The following PGBD2 variants were observed in gnomAD, a reference collection of about 807,000 sequenced individuals.
PGBD2 encodes the protein piggyBac transposable element-derived protein 2.
PGBD2 carries 6 observed loss-of-function variants against 8.1 expected under a neutral mutation model. That is an observed-to-expected ratio of 0.74 (90% confidence interval 0.40 to 1.46). The LOEUF (loss-of-function observed/expected upper bound fraction) is 1.46. Among genes scored for constraint, PGBD2 ranks in the 40% most tolerant of loss-of-function variants. The pLI is 0.02. For synonymous variants in PGBD2, 318 were observed against 272.2 expected (o/e 1.17, Z -1.66); for missense variants, 802 against 739.0 (o/e 1.09, Z -0.99).
upstream of PGBD2, among the ~76,000 whole-genome samples, chr1:248,902,428 A>G (rs1572266938): frequency 6.6e-6 from 1 of 152,226 alleles, no homozygotes; most frequent in Admixed American, 6.5e-5. Context: ...ATTGTGAAAG[A>G]CAGTGTGGTG....
rs1210340122 is a variant in PGBD2, at chr1:248,917,613, T to C, written c.1029T>C (p.Phe343=). 1 of 1,614,214 alleles carries C rather than the reference T, an allele frequency of 6.2e-7. No homozygotes were observed. Among genetic ancestry groups the C allele is most frequent in the Admixed American group, 1.7e-5 (1 of 60,022 alleles). ...TGGATGCGCTTCAGGAGCGTGGTTT[T>C]CTGCCATATCACATATTTTTTGACA... The part of the protein sequence containing the change: ...KFVDALQERG[F]LPYHIFFDKV... The change falls in exon 3 of 3, where the codon TTT becomes TTC. Residue 343 remains phenylalanine, a synonymous_variant. Coordinates refer to ENST00000329291, the MANE Select transcript of PGBD2 (RefSeq NM_170725.3).
At position 248,918,415 on chromosome 1, in the gene PGBD2, C is replaced by G. The variant is rs767156546; in HGVS notation, c.*52C>G. On this transcript the variant is annotated 3_prime_UTR_variant, in exon 3 of 3. Coordinates refer to ENST00000329291, the MANE Select transcript of PGBD2 (RefSeq NM_170725.3). ...ATAATGAGATGTTTACAGTTAAATA[C>G]AGATGGCAGTTGAGCACTTCTGTTT... 7 of 1,491,202 alleles carry G rather than the reference C, an allele frequency of 4.7e-6. No homozygotes were observed. Among genetic ancestry groups the G allele is most frequent in the African/African-American group, 1.4e-5 (1 of 71,120 alleles). The allele number at this position is 1,491,202 out of a possible 1,614,324, so 92.4% of individuals were successfully genotyped here. A position where few individuals can be genotyped will look rare whatever the true frequency, so the allele number is the denominator to read the frequency against.
chr1:248,924,666 G>T (rs1161871688), downstream of PGBD2, among the ~76,000 whole-genome samples: 1 of 152,196 alleles, frequency 6.6e-6, no homozygotes, highest in Non-Finnish European at 1.5e-5. Context: ...TAAAACATTA[G>T]ATAACATGGT....
chr1:248,890,484 T>G, the PGBD2 span, among the ~76,000 whole-genome samples: 12 of 152,138 alleles, frequency 7.9e-5, no homozygotes, highest in Non-Finnish European at 1.5e-5. Flanking sequence ...AAGTTTAGGC[T>G]GCCTGGCTCC....
downstream of PGBD2, among the ~76,000 whole-genome samples, chr1:248,924,168 C>T (rs576874609): frequency 3.9e-4 from 59 of 152,322 alleles, no homozygotes; most frequent in African/African-American, 1.3e-3. Context: ...CCAGCAGCAG[C>T]GTCCATCCAG....
chr1:248,911,045 C>T (rs1054695656), intron 1 of PGBD2, among the ~76,000 whole-genome samples: 2 of 152,104 alleles, frequency 1.3e-5, no homozygotes, highest in Non-Finnish European at 2.9e-5. Flanking sequence ...TTTGCCCCCC[C>T]ATCTCGAGCA....
chr1:248,903,650 G>A (rs186756919), upstream of PGBD2, among the ~76,000 whole-genome samples: 137 of 152,288 alleles, frequency 9.0e-4, no homozygotes, highest in Non-Finnish European at 1.1e-3. Flanking sequence ...TTAATCATGG[G>A]CGCTTGGGAG....
chr1:248,874,000 C>T, the PGBD2 span, among the ~76,000 whole-genome samples: 11 of 152,148 alleles, frequency 7.2e-5, no homozygotes, highest in African/African-American at 2.4e-4. Flanking sequence ...GAAGAAACCC[C>T]AGAATTTTCC....
the PGBD2 span, among the ~76,000 whole-genome samples, chr1:248,872,860 G>A: frequency 6.6e-6 from 1 of 152,234 alleles, no homozygotes; most frequent in Admixed American, 6.5e-5. Context: ...CGGGATTACA[G>A]GCATGAGCCA....
the PGBD2 span, among the ~76,000 whole-genome samples, chr1:248,901,009 A>G: frequency 3.1e-3 from 475 of 152,296 alleles, 5 homozygotes; most frequent in African/African-American, 0.011. Flanking sequence ...AAACAAAATA[A>G]AATACCTAGG....
At chr1:248,910,853 A>G (rs1237969332) in intron 1 of PGBD2, among the ~76,000 whole-genome samples, 1 of 152,218 alleles carries the variant, frequency 6.6e-6, no homozygotes, top group African/African-American at 2.4e-5. Context: ...ACAAAAGAAA[A>G]AAACAGCTTT....
At chr1:248,892,351 G>A in the PGBD2 span, among the ~76,000 whole-genome samples, 1 of 142,700 alleles carries the variant, frequency 7.0e-6, no homozygotes, top group East Asian at 2.2e-4. Context: ...TCTTTGAAAG[G>A]CATATTTAGC....
the PGBD2 span, among the ~76,000 whole-genome samples, chr1:248,893,343 T>C: frequency 2.6e-5 from 4 of 152,236 alleles, no homozygotes; most frequent in African/African-American, 7.2e-5. Context: ...TATGTAACTG[T>C]AACTTTATAT....
chr1:248,918,292 A>G lies in PGBD2; in HGVS notation c.1708A>G (p.Thr570Ala), dbSNP rs1367570034. The G allele has an allele frequency of 6.2e-7, 1 of 1,601,860 alleles. No homozygotes were observed. The highest frequency in any genetic ancestry group is 1.1e-5 in the South Asian group (1 of 88,670). ...CCGGTGTGCCCTCTGCCACTCACAG[A>G]CCAACACCCGGTGTGAGAAGTGCCA... ...RTRCALCHSQ[T>A]NTRCEKCQKG... The change falls in exon 3 of 3, where the codon ACC becomes GCC. Residue 570 changes from threonine (T) to alanine (A), a missense_variant. By Grantham distance (58) the Thr-to-Ala change is moderately conservative. Transcript: ENST00000329291.
At position 248,918,289 on chromosome 1, in the gene PGBD2, C is replaced by G. The variant is rs1439070690; in HGVS notation, c.1705C>G (p.Gln569Glu). Residue 569 changes from glutamine (Q) to glutamate (E), a missense_variant, in exon 3 of 3, where the codon CAG (glutamine) becomes GAG (glutamate). Coordinates refer to ENST00000329291, the MANE Select transcript of PGBD2 (RefSeq NM_170725.3). ...KRTRCALCHS[Q>E]TNTRCEKCQK... ...GACCCGGTGTGCCCTCTGCCACTCA[C>G]AGACCAACACCCGGTGTGAGAAGTG... is the stretch of plus-strand genomic sequence containing the variant. 1 of 1,603,604 alleles carries G rather than the reference C, an allele frequency of 6.2e-7. No homozygotes were observed. The highest frequency in any genetic ancestry group is 8.5e-7 in the Non-Finnish European group (1 of 1,174,472).
chr1:248,890,982 CACAG>C, the PGBD2 span, among the ~76,000 whole-genome samples: 1 of 151,740 alleles, frequency 6.6e-6, no homozygotes, highest in African/African-American at 2.4e-5. Context: ...CATCACACAT[CACAG>C]ACACACACAT....
chr1:248,888,826 G>A, the PGBD2 span, among the ~76,000 whole-genome samples: 7 of 152,116 alleles, frequency 4.6e-5, no homozygotes, highest in Non-Finnish European at 8.8e-5. Flanking sequence ...GCGAATGTCC[G>A]GAAGTGTATT....
upstream of PGBD2, among the ~76,000 whole-genome samples, chr1:248,901,701 C>T (rs1014191150): frequency 1.3e-5 from 2 of 152,104 alleles, no homozygotes; most frequent in African/African-American, 4.8e-5. Flanking sequence ...ATCACAAAAA[C>T]GCCAAAAGCC....
the PGBD2 span, among the ~76,000 whole-genome samples, chr1:248,874,288 C>T: frequency 4.2e-4 from 64 of 152,296 alleles, 1 homozygote; most frequent in Admixed American, 1.9e-3. Context: ...GCTCTCACCG[C>T]CGCGGCCCGG....
Sources: allele counts gnomAD v4.1 joint callset (sites outside exome capture counted in the v4.1 genomes callset), GRCh38; gene constraint gnomAD v4.1.1; transcripts MANE v1.5; gene names NCBI Gene and HGNC (gene_info 2026-07-23, HGNC 2026-07-21).